Variants in CDH18 observed in about 807,000 individuals in gnomAD.
CDH18 encodes the protein cadherin 18.
A neutral mutation model predicts 67.9 loss-of-function variants in CDH18; 31 were observed. That is an observed-to-expected ratio of 0.46 (90% CI 0.34 to 0.62). The LOEUF (loss-of-function observed/expected upper bound fraction) is 0.62, where lower values mean the gene tolerates loss of function less well. Among genes scored for constraint, CDH18 ranks in the 20% least tolerant of loss-of-function variants. The pLI, the probability that CDH18 is intolerant of heterozygous loss-of-function variation, is 0.01. For synonymous variants in CDH18, 362 were observed against 347.2 expected (o/e 1.04, Z -0.48); for missense variants, 890 against 975.5 (o/e 0.91, Z 1.17).
intron 3 of CDH18, among the ~76,000 whole-genome samples, chr5:19,805,713 T>C (rs1777969548): frequency 6.6e-6 from 1 of 152,148 alleles, no homozygotes; most frequent in Non-Finnish European, 1.5e-5. Flanking sequence ...TGCAGCCCTT[T>C]TTTTTTCCCT....
chr5:20,369,230 A>T (rs1742775766), intron 1 of CDH18, among the ~76,000 whole-genome samples: 1 of 152,132 alleles, frequency 6.6e-6, no homozygotes, highest in South Asian at 2.1e-4. Context: ...TGTGTGCTCC[A>T]TTGAATTGAA....
At chr5:19,491,667 A>G (rs944313013) in intron 11 of CDH18, among the ~76,000 whole-genome samples, 1 of 152,192 alleles carries the variant, frequency 6.6e-6, no homozygotes, top group African/African-American at 2.4e-5. Context: ...ATATCAGCTT[A>G]AAGTTATATC....
chr5:19,770,225 A>C (rs1403087013), intron 3 of CDH18, among the ~76,000 whole-genome samples: 1 of 152,108 alleles, frequency 6.6e-6, no homozygotes, highest in Non-Finnish European at 1.5e-5. Flanking sequence ...AATTCCAATT[A>C]ATATAACAAG....
intron 1 of CDH18, among the ~76,000 whole-genome samples, chr5:20,441,876 T>G (rs1468024705): frequency 6.6e-6 from 1 of 151,936 alleles, no homozygotes; most frequent in Non-Finnish European, 1.5e-5. Flanking sequence ...CTGTTGCTTA[T>G]TATGTGCATA....
intron 10 of CDH18, among the ~76,000 whole-genome samples, chr5:19,512,876 C>A (rs1246326135): frequency 6.6e-6 from 1 of 151,840 alleles, no homozygotes; most frequent in African/African-American, 2.4e-5. Context: ...TCCACTTATA[C>A]CTTTTGATGT....
At chr5:20,500,133 T>A (rs551801884) in intron 1 of CDH18, among the ~76,000 whole-genome samples, 1 of 152,282 alleles carries the variant, frequency 6.6e-6, no homozygotes, top group Admixed American at 6.5e-5. Flanking sequence ...TGTGACTTTC[T>A]CTTATGCCAA....
At chr5:19,874,330 TTTAAG>T (rs1786691826) in intron 2 of CDH18, among the ~76,000 whole-genome samples, 1 of 152,174 alleles carries the variant, frequency 6.6e-6, no homozygotes, top group Non-Finnish European at 1.5e-5. Context: ...TAATCGCTTA[TTTAAG>T]TTATCTGCCT....
At chr5:19,942,977 C>T (rs986224862) in intron 2 of CDH18, among the ~76,000 whole-genome samples, 2 of 152,168 alleles carry the variant, frequency 1.3e-5, no homozygotes, top group East Asian at 1.9e-4. Context: ...GATATACTCT[C>T]TGCCAGGTGA....
chr5:20,036,658 T>C (rs1420892120), intron 2 of CDH18, among the ~76,000 whole-genome samples: 1 of 151,960 alleles, frequency 6.6e-6, no homozygotes, highest in African/African-American at 2.4e-5. Context: ...ATAACAAGTA[T>C]TGAATATCTT....
intron 1 of CDH18, among the ~76,000 whole-genome samples, chr5:20,399,927 C>A (rs1022067081): frequency 8.5e-5 from 13 of 152,166 alleles, no homozygotes; most frequent in African/African-American, 3.1e-4. Flanking sequence ...AAACCCTGCT[C>A]TGAAACACCC....
intron 2 of CDH18, among the ~76,000 whole-genome samples, chr5:20,196,934 T>C (rs956329633): frequency 1.8e-4 from 27 of 152,210 alleles, no homozygotes; most frequent in African/African-American, 6.0e-4. Context: ...GTGAATGCCA[T>C]TGGCCTGGGG....
chr5:20,179,090 G>C (rs1737478001), intron 2 of CDH18, among the ~76,000 whole-genome samples: 1 of 152,092 alleles, frequency 6.6e-6, no homozygotes, highest in Admixed American at 6.6e-5. Flanking sequence ...TCATCGTGAA[G>C]AGGTAAATAA....
At chr5:19,811,143 AAAGAAAGAAAGAAAGAAG>A (rs1778659872) in intron 3 of CDH18, among the ~76,000 whole-genome samples, 2 of 102,140 alleles carry the variant, frequency 2.0e-5, no homozygotes, top group African/African-American at 8.1e-5. Flanking sequence ...AGAAAGAAAG[AAAGAAAGAAAGAAAGAAG>A]GAGAGAAAGA....
chr5:19,762,424 G>C (rs1403671138), intron 3 of CDH18, among the ~76,000 whole-genome samples: 1 of 152,098 alleles, frequency 6.6e-6, no homozygotes, highest in Non-Finnish European at 1.5e-5. Context: ...CCATCAAAAA[G>C]TGGGCAAAGT....
chr5:20,229,675 T>A (rs1741910744), intron 2 of CDH18, among the ~76,000 whole-genome samples: 1 of 152,164 alleles, frequency 6.6e-6, no homozygotes. Context: ...ATAGTTTTAA[T>A]TAAAACATTT....
intron 1 of CDH18, among the ~76,000 whole-genome samples, chr5:20,524,734 A>G (rs2126532768): frequency 6.6e-6 from 1 of 152,274 alleles, no homozygotes; most frequent in African/African-American, 2.4e-5. Context: ...ATTGTTGAGA[A>G]GAAAAGGGTT....
intron 6 of CDH18, among the ~76,000 whole-genome samples, chr5:19,592,435 T>A (rs536969714): frequency 6.6e-6 from 1 of 152,150 alleles, no homozygotes; most frequent in South Asian, 2.1e-4. Flanking sequence ...ATTCAAAACA[T>A]TATAAATAAC....
At chr5:19,638,975 C>CCG (rs1753585004) in intron 5 of CDH18, among the ~76,000 whole-genome samples, 1 of 33,966 alleles carries the variant, frequency 2.9e-5, no homozygotes, top group Non-Finnish European at 5.6e-5. Context: ...TTTTTTGTTG[C>CCG]TGTTTTTTTT....
chr5:19,973,683 A>T lies in CDH18; in HGVS notation c.-257+7377T>A, dbSNP rs1431161417. Among the ~76,000 whole-genome samples, 6 of 152,282 alleles carry T rather than the reference A, an allele frequency of 3.9e-5. No homozygotes were observed. The East Asian group carries it at 1.2e-3, about 29-fold the overall frequency. On this transcript the variant is annotated intron_variant, in intron 2 of 12. Transcript: ENST00000382275. ...GCATGAAGGACAAGAAGCTTACCAT[A>T]AAAAATATGAGAGAAGGACATTTCA...
Sources: allele counts gnomAD v4.1 joint callset (sites outside exome capture counted in the v4.1 genomes callset), GRCh38; gene constraint gnomAD v4.1.1; transcripts MANE v1.5; gene names NCBI Gene and HGNC (gene_info 2026-07-23, HGNC 2026-07-21).